GNG4: variants seen among roughly 807,000 people sequenced by gnomAD.
GNG4 encodes guanine nucleotide-binding protein G(I)/G(S)/G(O) subunit gamma-4.
GNG4 carries 4 observed loss-of-function variants against 5.8 expected under a neutral mutation model. That is an observed-to-expected ratio of 0.69 (90% CI 0.34 to 1.57). The LOEUF (loss-of-function observed/expected upper bound fraction) is 1.57. GNG4 is among the 40% of genes most tolerant of loss of function. GNG4 has a pLI of 0.06. For missense variants in GNG4, 96 were observed against 95.1 expected (o/e 1.01, Z -0.04); for synonymous variants, 29 against 32.9 (o/e 0.88, Z 0.41).
chr1:235,578,144 G>A (rs1687531943), intron 3 of GNG4, among the ~76,000 whole-genome samples: 1 of 152,012 alleles, frequency 6.6e-6, no homozygotes, highest in Non-Finnish European at 1.5e-5. Context: ...CCATGTGTGA[G>A]CTTCATACTC....
Position 235,638,481 on chromosome 1 carries a change from CAT to C in GNG4, c.-123+11179_-123+11180del, listed in dbSNP as rs1491315319. On this transcript the variant is annotated intron_variant, in intron 1 of 3. Transcript: ENST00000391854. The stretch of plus-strand genomic sequence containing the variant: ...AATCCTGAGCTTGTGGCTCCTCCTG[CAT>C]TTTTTTTTTTTTTTAACATTTTACT... 4.0e-4 allele frequency among the ~76,000 whole-genome samples: 29 copies of C among 72,322 alleles called. No individual in the cohort carries two copies. In the East Asian group the frequency reaches 0.02, roughly 50 times the overall value. 47.4% of individuals were successfully genotyped at this position (72,322 alleles called of 152,430 possible).
At chr1:235,620,288 C>T (rs373563889) in intron 1 of GNG4, among the ~76,000 whole-genome samples, 8 of 152,102 alleles carry the variant, frequency 5.3e-5, no homozygotes, top group South Asian at 2.1e-4. Context: ...TTGCTTGAAC[C>T]GGGGAGGTGG....
intron 1 of GNG4, among the ~76,000 whole-genome samples, chr1:235,636,877 G>A (rs1159814950): frequency 6.6e-6 from 1 of 152,034 alleles, no homozygotes; most frequent in Non-Finnish European, 1.5e-5. Flanking sequence ...AGGGCAAGAG[G>A]ATACCCTAGG....
At chr1:235,650,437 G>A (rs1302971685), upstream of GNG4, 2 of 152,378 alleles carry the variant, frequency 1.3e-5, no homozygotes, top group African/African-American at 4.8e-5. Context: ...CCTCGCTCGG[G>A]GTGAGCTCCA....
chr1:235,581,027 C>T (rs1212582267), intron 3 of GNG4, among the ~76,000 whole-genome samples: 1 of 152,094 alleles, frequency 6.6e-6, no homozygotes, highest in Non-Finnish European at 1.5e-5. Context: ...GCTGGGATTA[C>T]AGGCGTCAGC....
At chr1:235,635,245 T>G (rs1289907351) in intron 1 of GNG4, among the ~76,000 whole-genome samples, 1 of 152,002 alleles carries the variant, frequency 6.6e-6, no homozygotes, top group Non-Finnish European at 1.5e-5. Context: ...TATTAAAATG[T>G]GATTCCTTTG....
chr1:235,587,368 TGA>T (rs1347790502), intron 2 of GNG4, among the ~76,000 whole-genome samples: 2 of 49,122 alleles, frequency 4.1e-5, no homozygotes, highest in Non-Finnish European at 7.0e-5. Context: ...GGGGTGTGTG[TGA>T]GTGTGTGTGT....
At chr1:235,593,421 C>T (rs1218135576) in intron 2 of GNG4, among the ~76,000 whole-genome samples, 1 of 152,186 alleles carries the variant, frequency 6.6e-6, no homozygotes, top group Non-Finnish European at 1.5e-5. Flanking sequence ...GCCTTTGCAG[C>T]CATCCTCCCC....
At chr1:235,605,590 A>T (rs1688341196) in intron 1 of GNG4, among the ~76,000 whole-genome samples, 1 of 152,158 alleles carries the variant, frequency 6.6e-6, no homozygotes, top group Non-Finnish European at 1.5e-5. Flanking sequence ...GAAGGAGATG[A>T]TCGATTCAGG....
chr1:235,574,475 C>T (rs879576028), intron 3 of GNG4, among the ~76,000 whole-genome samples: 14 of 152,190 alleles, frequency 9.2e-5, no homozygotes, highest in African/African-American at 3.1e-4. Context: ...ATGACTTTTT[C>T]ACATTCTCAC....
intron 1 of GNG4, among the ~76,000 whole-genome samples, chr1:235,603,261 T>TTAATAATAATAATAA (rs150938328): frequency 1.4e-5 from 2 of 147,608 alleles, no homozygotes; most frequent in Admixed American, 6.8e-5. Context: ...ATAATAATAA[T>TTAATAATAATAATAA]TAATAATAAT....
chr1:235,599,233 G>A (rs1045657819), intron 1 of GNG4, among the ~76,000 whole-genome samples: 5 of 152,080 alleles, frequency 3.3e-5, no homozygotes, highest in Non-Finnish European at 7.3e-5. Context: ...CCTGGAGCTC[G>A]TTAGCAATGC....
intron 1 of GNG4, among the ~76,000 whole-genome samples, chr1:235,643,769 T>G (rs1001241704): frequency 6.6e-6 from 1 of 152,204 alleles, no homozygotes; most frequent in Admixed American, 6.6e-5. Context: ...AGCCCTAGAA[T>G]GGCAAATCCA....
intron 1 of GNG4, among the ~76,000 whole-genome samples, chr1:235,597,625 T>TATATTTTTTTTTTTTCAGATG (rs1688156424): frequency 1.0e-5 from 1 of 99,864 alleles, no homozygotes; most frequent in Admixed American, 8.7e-5. Flanking sequence ...TGTGTGTGTG[T>TATATTTTTTTTTTTTCAGATG]GTGTATTTTT....
rs1657357397 is a variant in GNG4, at chr1:235,642,338, G to A, written c.-123+7324C>T. 6.6e-6 allele frequency among the ~76,000 whole-genome samples: 1 copy of A among 152,170 alleles called. No homozygotes were observed. Among genetic ancestry groups the A allele is most frequent in the Admixed American group, 6.5e-5 (1 of 15,284 alleles). ...CTTGGGGGTGGGAAAAGAGTGACCG[G>A]GGGCAACTGAGCAAAACATAGAACA... On this transcript the variant is annotated intron_variant, in intron 1 of 3. Transcript: ENST00000391854. The surrounding 1 kb of genome is among the most constrained non-coding windows in gnomAD (Gnocchi z 4.3).
At position 235,648,973 on chromosome 1, in the gene GNG4, CG is replaced by C. The variant is rs932734293; in HGVS notation, c.-123+688del. 6.6e-5 allele frequency among the ~76,000 whole-genome samples: 10 copies of C among 152,354 alleles called. No individual in the cohort carries two copies. The highest frequency in any genetic ancestry group is 1.2e-4 in the Non-Finnish European group (8 of 68,030). The stretch of plus-strand genomic sequence containing the variant: ...CCTCCTCCCCACTTCACCCTCCCGC[CG>C]TTTCGCGTTATTTCCAAGGCAATTT... On this transcript the variant is annotated intron_variant, in intron 1 of 3. Transcript: ENST00000391854. The surrounding 1 kb of genome is among the most constrained non-coding windows in gnomAD (Gnocchi z 5.0).
intron 3 of GNG4, among the ~76,000 whole-genome samples, chr1:235,558,973 T>C (rs545853807): frequency 1.3e-5 from 2 of 152,366 alleles, no homozygotes; most frequent in Admixed American, 6.5e-5. Context: ...AGTTGCACTA[T>C]AATTACAAGC....
chr1:235,557,828 T>C (rs1184114342), intron 3 of GNG4, among the ~76,000 whole-genome samples: 1 of 152,184 alleles, frequency 6.6e-6, no homozygotes, highest in Non-Finnish European at 1.5e-5. Flanking sequence ...TGGGCCCATG[T>C]TCCACTCCAT....
rs1176859896 is a variant in GNG4, at chr1:235,578,558, T to A, written c.99+5182A>T. On this transcript the variant is annotated intron_variant, in intron 3 of 3. Coordinates refer to ENST00000391854, the MANE Select transcript of GNG4 (RefSeq NM_001098722.2). ...TCAGCGAATGAATGGATAAAGCAAA[T>A]GTGGTATATTTACACAATAGAATAC... 3.3e-5 allele frequency among the ~76,000 whole-genome samples: 5 copies of A among 152,166 alleles called. No homozygotes were observed. In the East Asian group the frequency reaches 9.6e-4, roughly 29 times the overall value.
Sources: gnomAD v4.1 joint callset for allele counts (sites outside exome capture counted in the v4.1 genomes callset) on GRCh38, gnomAD v4.1.1 for gene constraint, Gnocchi (gnomAD v3.1) non-coding constraint, MANE v1.5 for transcripts, NCBI Gene and HGNC (gene_info 2026-07-23, HGNC 2026-07-21) for gene names.